Variants in SPNS1 observed in about 807,000 individuals in gnomAD.
The protein encoded by SPNS1 is protein spinster homolog 1.
Under a neutral mutation model 50.3 loss-of-function variants are expected in SPNS1, and 22 were observed. The observed-to-expected ratio is 0.44, with a 90% confidence interval of 0.31 to 0.62. The LOEUF is 0.62. SPNS1 is among the 20% of genes least tolerant of loss of function. The pLI is 0.07. For missense variants in SPNS1, 576 were observed against 728.6 expected (o/e 0.79, Z 2.41); for synonymous variants, 295 against 317.4 (o/e 0.93, Z 0.75).
chr16:28,981,556 A>C lies in SPNS1; in HGVS notation c.750A>C (p.Ser250=). 1 of 1,614,116 alleles carries C rather than the reference A, an allele frequency of 6.2e-7. No individual in the cohort carries two copies. Residue 250 remains serine (S), a synonymous_variant, in exon 6 of 12, where the codon TCA becomes TCC. Coordinates refer to ENST00000311008, the MANE Select transcript of SPNS1 (RefSeq NM_032038.3). This position sits in a 1 kb window ranked among gnomAD's most constrained non-coding sequence, Gnocchi z 4.2. ...CAAGGGGAGCCGTGGAGCGCCACTC[A>C]GATTTGCCACCCCTGAACCCCACCT... ...EPPRGAVERH[S]DLPPLNPTSW...
At chr16:28,982,229 C>A in intron 7 of SPNS1, 127 bp from the exon 8 acceptor site, 1 of 1,353,164 alleles carries the variant, frequency 7.4e-7, no homozygotes, top group Non-Finnish European at 1.0e-6. Flanking sequence ...GTCTGCCACT[C>A]AGGGCTGTGC....
intron 5 of SPNS1, 94 bp downstream of exon 5, chr16:28,979,565 T>C: frequency 7.3e-7 from 1 of 1,370,092 alleles, no homozygotes; most frequent in African/African-American, 1.4e-5. Flanking sequence ...CATTTTTCTT[T>C]TAAGAGACAG....
chr16:28,975,650 T>G (rs1202552364), intron 2 of SPNS1, 93 bp downstream of exon 2: 2 of 1,446,670 alleles, frequency 1.4e-6, no homozygotes, highest in African/African-American at 2.8e-5. Context: ...GGCTCATTAA[T>G]GGAGGTTTTG....
chr16:28,984,556 G>T (rs979643625), downstream of SPNS1: 2 of 617,688 alleles, frequency 3.2e-6, no homozygotes, highest in African/African-American at 3.7e-5. Context: ...CCAGGTGCCT[G>T]CTCTCGTCTT....
chr16:28,980,881 A>C (rs1388268280), intron 5 of SPNS1, among the ~76,000 whole-genome samples: 1 of 150,646 alleles, frequency 6.6e-6, no homozygotes, highest in Non-Finnish European at 1.5e-5. Flanking sequence ...CAAACAAACA[A>C]ACCGTAAGCC....
intron 2 of SPNS1, among the ~76,000 whole-genome samples, chr16:28,975,801 C>A (rs982294337): frequency 6.6e-6 from 1 of 152,184 alleles, no homozygotes; most frequent in African/African-American, 2.4e-5. Context: ...TCAGCTCTTC[C>A]ACTTATTGTG....
intron 11 of SPNS1, 56 bp from the exon 12 acceptor site, chr16:28,984,149 C>G (rs1965670399): frequency 1.3e-6 from 2 of 1,513,946 alleles, no homozygotes; most frequent in South Asian, 2.6e-5. Context: ...TTGCCCTTCT[C>G]TGGCTTTGTC....
chr16:28,984,499 C>T lies in SPNS1; in HGVS notation c.*200C>T, dbSNP rs1437389443. On this transcript the variant is annotated 3_prime_UTR_variant, in exon 12 of 12. Coordinates refer to ENST00000311008, the MANE Select transcript of SPNS1 (RefSeq NM_032038.3). ...GGATCCCTCTCCACAGGGGCAGCCC[C>T]AAGGGCTCGGTGCTATTTGTAACGG... 14 of 686,958 alleles carry T rather than the reference C, an allele frequency of 2.0e-5. No homozygotes were observed. Among genetic ancestry groups the T allele is most frequent in the Non-Finnish European group, 2.6e-6 (1 of 381,604 alleles). 42.6% of individuals were successfully genotyped at this position (686,958 alleles called of 1,614,324 possible). A position where few individuals can be genotyped will look rare whatever the true frequency, so the allele number is the denominator to read the frequency against.
At chr16:28,976,542 T>G (rs1965350818) in intron 2 of SPNS1, among the ~76,000 whole-genome samples, 1 of 152,208 alleles carries the variant, frequency 6.6e-6, no homozygotes, top group Non-Finnish European at 1.5e-5. Flanking sequence ...TAGGTGTTAC[T>G]GTTCCTATTT....
intron 8 of SPNS1, 70 bp downstream of exon 8, chr16:28,982,615 A>G: frequency 6.7e-7 from 1 of 1,491,840 alleles, no homozygotes; most frequent in Non-Finnish European, 9.1e-7. Context: ...CGTAATGGCC[A>G]CTCGAGGTGG....
Position 28,975,140 on chromosome 16 carries a change from C to A in SPNS1, c.-12C>A. On this transcript the variant is annotated 5_prime_UTR_variant, in exon 1 of 12. Coordinates refer to ENST00000311008, the MANE Select transcript of SPNS1 (RefSeq NM_032038.3). ...GGGACCGGAGCGCGGGCGGGCGCGG[C>A]CCCCCGGGACCATGGCCGGGTCCGA... 1.4e-6 allele frequency: 2 copies of A among 1,470,834 alleles called. No individual in the cohort carries two copies. The highest frequency in any genetic ancestry group is 1.8e-6 in the Non-Finnish European group (2 of 1,115,196). 91.1% of individuals were successfully genotyped at this position (1,470,834 alleles called of 1,614,324 possible). A position where few individuals can be genotyped will look rare whatever the true frequency, so the allele number is the denominator to read the frequency against.
intron 2 of SPNS1, among the ~76,000 whole-genome samples, chr16:28,976,240 C>G (rs1965338793): frequency 6.6e-6 from 1 of 152,132 alleles, no homozygotes; most frequent in Non-Finnish European, 1.5e-5. Context: ...CCACTGCACT[C>G]CAGCCTGGGT....
intron 3 of SPNS1, 122 bp downstream of exon 3, chr16:28,978,166 C>A: frequency 1.5e-6 from 2 of 1,326,280 alleles, no homozygotes; most frequent in South Asian, 1.4e-5. Flanking sequence ...TGGTCCATGC[C>A]ATTTTATACC....
chr16:28,975,635 C>G, intron 2 of SPNS1, 78 bp downstream of exon 2: 1 of 1,523,304 alleles, frequency 6.6e-7, no homozygotes, highest in Non-Finnish European at 9.1e-7. Flanking sequence ...GCTGGCCTGT[C>G]TAGGGGCTCA....
At chr16:28,976,676 G>T (rs1965354772) in intron 2 of SPNS1, among the ~76,000 whole-genome samples, 1 of 152,170 alleles carries the variant, frequency 6.6e-6, no homozygotes, top group South Asian at 2.1e-4. Flanking sequence ...ACCAGGTCTT[G>T]CAGTGTTCTT....
chr16:28,984,714 G>A (rs1057381261), downstream of SPNS1: 8 of 735,306 alleles, frequency 1.1e-5, no homozygotes, highest in Non-Finnish European at 1.6e-5. Context: ...TGAGCTGGCT[G>A]AGTGTGACCG....
In SPNS1 at chr16:28,982,503, C is replaced by A. The variant is rs1965589158; in HGVS notation, c.1113C>A (p.Phe371Leu). 6.2e-7 allele frequency: 1 copy of A among 1,613,142 alleles called. No homozygotes were observed. Among genetic ancestry groups the A allele is most frequent in the Non-Finnish European group, 8.5e-7 (1 of 1,179,504 alleles). ...TGLLGSAPFLFLSLACARGSI... is the reference protein window; with the variant it reads ...TGLLGSAPFLLLSLACARGSI... Reference sequence around the variant, plus strand: ...TCCTGGGCTCTGCACCCTTCCTCTTCCTGTCCCTTGCCTGCGCCCGTGGTA... The same window carrying A: ...TCCTGGGCTCTGCACCCTTCCTCTTACTGTCCCTTGCCTGCGCCCGTGGTA... Residue 371 changes from phenylalanine (F) to leucine (L), a missense_variant, in exon 8 of 12, where the codon TTC (phenylalanine) becomes TTA (leucine). By Grantham distance (22) the Phe-to-Leu change is conservative. Coordinates refer to ENST00000311008, the MANE Select transcript of SPNS1 (RefSeq NM_032038.3).
rs930274019 is a variant in SPNS1 at position 28,983,075 on chromosome 16, C to G, written c.1222-117C>G. Reference sequence around the variant, plus strand: ...AGACCCCCGGCCTGCCCTGCGACCTCAACCCCAGGCACACCTCTGACCCCG... The same window carrying G: ...AGACCCCCGGCCTGCCCTGCGACCTGAACCCCAGGCACACCTCTGACCCCG... On this transcript the variant is annotated intron_variant, in intron 9 of 11. Transcript: ENST00000311008. The surrounding 1 kb of genome is among the most constrained non-coding windows in gnomAD (Gnocchi z 5.4). 1 of 1,204,270 alleles carries G rather than the reference C, an allele frequency of 8.3e-7. No individual in the cohort carries two copies. Among genetic ancestry groups the G allele is most frequent in the African/African-American group, 1.5e-5 (1 of 66,624 alleles). 74.6% of individuals were successfully genotyped at this position (1,204,270 alleles called of 1,614,324 possible). A position where few individuals can be genotyped will look rare whatever the true frequency, so the allele number is the denominator to read the frequency against.
intron 4 of SPNS1, 42 bp downstream of exon 4, chr16:28,979,348 T>G: frequency 1.2e-6 from 2 of 1,614,040 alleles, no homozygotes; most frequent in Non-Finnish European, 1.7e-6. Flanking sequence ...AAGGGCCTGG[T>G]GTGGGGGACT....
Sources: allele counts gnomAD v4.1 joint callset (sites outside exome capture counted in the v4.1 genomes callset), GRCh38; gene constraint gnomAD v4.1.1; non-coding constraint Gnocchi (gnomAD v3.1); transcripts MANE v1.5; gene names NCBI Gene and HGNC (gene_info 2026-07-23, HGNC 2026-07-21).